PPP2R3A: variants seen among roughly 807,000 people sequenced by gnomAD.
PPP2R3A encodes protein phosphatase 2 regulatory subunit B''alpha.
A neutral mutation model predicts 106.9 loss-of-function variants in PPP2R3A; 80 were observed. The ratio of observed to expected loss-of-function variants is 0.75; its 90% CI spans 0.62 to 0.90. The LOEUF (loss-of-function observed/expected upper bound fraction) is 0.90, where lower values mean the gene tolerates loss of function less well. Ranked by LOEUF, PPP2R3A falls within the 40% of genes least tolerant of loss-of-function variation. The pLI, the probability that PPP2R3A is intolerant of heterozygous loss-of-function variation, is 0.00. For synonymous variants in PPP2R3A, 483 were observed against 468.3 expected (o/e 1.03, Z -0.41); for missense variants, 1,386 against 1,350.4 (o/e 1.03, Z -0.41).
At chr3:135,977,923 C>T (rs1005699084) in intron 1 of PPP2R3A, among the ~76,000 whole-genome samples, 3 of 151,952 alleles carry the variant, frequency 2.0e-5, no homozygotes, top group Non-Finnish European at 4.4e-5. Flanking sequence ...TGGTCTTGAA[C>T]TCCTAAGCTA....
rs537447337 is a variant in PPP2R3A, at chr3:136,021,148, T to C, written c.1996-5684T>C. 4.2e-4 allele frequency among the ~76,000 whole-genome samples: 64 copies of C among 152,194 alleles called. 1 individual carries two copies. The South Asian group carries it at 0.012, about 28-fold the overall frequency. ...TGTAAGTCTAAAGGCCTAGTTGCATTCCTACAAACCTTTTTGACATTTTAT... is the reference window on the plus strand; with the variant it reads ...TGTAAGTCTAAAGGCCTAGTTGCATCCCTACAAACCTTTTTGACATTTTAT... On this transcript the variant is annotated intron_variant, in intron 2 of 13. Coordinates refer to ENST00000264977, the MANE Select transcript of PPP2R3A (RefSeq NM_002718.5).
At position 136,002,209 on chromosome 3, in the gene PPP2R3A, G is replaced by C. The variant is rs1487599071; in HGVS notation, c.711G>C (p.Leu237Phe). 1 of 1,613,452 alleles carries C rather than the reference G, an allele frequency of 6.2e-7. No homozygotes were observed. The highest frequency in any genetic ancestry group is 8.5e-7 in the Non-Finnish European group (1 of 1,179,836). Reference protein sequence around the residue: ...TDIKMCLDILLKCSEDLKKCT... With the variant: ...TDIKMCLDILFKCSEDLKKCT... ...TAAAGATGTGCTTGGACATCTTATT[G>C]AAATGCTCCGAGGATTTAAAAAAAT... The change falls in exon 2 of 14, where the codon TTG becomes TTC. Residue 237 changes from leucine (L) to phenylalanine (F), a missense_variant. By Grantham distance (22) the Leu-to-Phe change is conservative. Coordinates refer to ENST00000264977, the MANE Select transcript of PPP2R3A (RefSeq NM_002718.5).
chr3:136,127,622 A>G (rs1175270366), intron 13 of PPP2R3A, among the ~76,000 whole-genome samples: 1 of 152,212 alleles, frequency 6.6e-6, no homozygotes, highest in Non-Finnish European at 1.5e-5. Flanking sequence ...TCCCCAACCA[A>G]GCAAGGCAGG....
intron 13 of PPP2R3A, among the ~76,000 whole-genome samples, chr3:136,121,388 C>T (rs1350037374): frequency 6.6e-6 from 1 of 152,090 alleles, no homozygotes; most frequent in East Asian, 1.9e-4. Context: ...ACATTGAATA[C>T]ACATGCACAC....
intron 1 of PPP2R3A, among the ~76,000 whole-genome samples, chr3:136,000,704 A>G (rs1457302131): frequency 6.6e-6 from 1 of 152,166 alleles, no homozygotes; most frequent in African/African-American, 2.4e-5. Context: ...AAGTGAGTCA[A>G]AAGAGGTAGA....
chr3:135,975,167 C>T (rs957136747), intron 1 of PPP2R3A, among the ~76,000 whole-genome samples: 3 of 152,190 alleles, frequency 2.0e-5, no homozygotes, highest in African/African-American at 7.2e-5. Context: ...TGAGTGGAGG[C>T]TCACTGGGTG....
chr3:136,084,207 C>A (rs535660281), intron 8 of PPP2R3A, among the ~76,000 whole-genome samples: 238 of 152,354 alleles, frequency 1.6e-3, no homozygotes, highest in Non-Finnish European at 2.4e-3. Context: ...TGGGGCCCCC[C>A]CTGCTCTATG....
chr3:136,051,965 A>C (rs1935700918), intron 5 of PPP2R3A, among the ~76,000 whole-genome samples: 1 of 152,190 alleles, frequency 6.6e-6, no homozygotes, highest in African/African-American at 2.4e-5. Context: ...GGCTTTGATT[A>C]TCCTTAGACT....
intron 3 of PPP2R3A, among the ~76,000 whole-genome samples, chr3:136,036,916 A>C (rs1935104995): frequency 6.6e-6 from 1 of 152,226 alleles, no homozygotes; most frequent in Admixed American, 6.5e-5. Context: ...TTTACTATGC[A>C]TGCAAGTCTT....
intron 2 of PPP2R3A, chr3:136,022,860 C>G (rs1934512944): frequency 2.2e-6 from 3 of 1,350,330 alleles, no homozygotes; most frequent in Non-Finnish European, 2.8e-6. Context: ...GTATTGGGAG[C>G]CACAGACTGT....
chr3:136,144,069 T>C (rs1009992758), intron 13 of PPP2R3A, among the ~76,000 whole-genome samples: 1 of 152,210 alleles, frequency 6.6e-6, no homozygotes, highest in Non-Finnish European at 1.5e-5. Context: ...TATTTATCAA[T>C]ATTTCAGGCA....
intron 1 of PPP2R3A, among the ~76,000 whole-genome samples, chr3:135,988,253 A>T (rs74430897): frequency 2.8e-5 from 3 of 105,302 alleles, no homozygotes; most frequent in Admixed American, 8.9e-5. Context: ...TTCAAGGATT[A>T]AAAAAAAAAA....
At chr3:136,138,175 T>G (rs1480182345) in intron 13 of PPP2R3A, among the ~76,000 whole-genome samples, 5 of 152,178 alleles carry the variant, frequency 3.3e-5, no homozygotes, top group African/African-American at 1.2e-4. Flanking sequence ...GGGCCTGAAG[T>G]TAATGTTTTA....
chr3:136,138,540 G>T (rs1938712693), intron 13 of PPP2R3A, among the ~76,000 whole-genome samples: 2 of 152,040 alleles, frequency 1.3e-5, no homozygotes, highest in Non-Finnish European at 2.9e-5. Flanking sequence ...ATGGGTTAAG[G>T]AAATTCAGTG....
chr3:136,002,364 T>C lies in PPP2R3A; in HGVS notation c.866T>C (p.Leu289Pro). 1 of 1,613,896 alleles carries C rather than the reference T, an allele frequency of 6.2e-7. No individual in the cohort carries two copies. The highest frequency in any genetic ancestry group is 2.2e-5 in the East Asian group (1 of 44,878). The change falls in exon 2 of 14, where the codon CTG becomes CCG. Residue 289 changes from leucine (L) to proline (P), a missense_variant. Coordinates refer to ENST00000264977, the MANE Select transcript of PPP2R3A (RefSeq NM_002718.5). ...GTAATGACCAGGTTAGCATCCTATC[T>C]GAAAAAGTTACCATTTGAATTCATG... ...MNVMTRLASY[L>P]KKLPFEFMQS...
At chr3:136,139,259 G>A (rs1177726348) in intron 13 of PPP2R3A, among the ~76,000 whole-genome samples, 1 of 152,138 alleles carries the variant, frequency 6.6e-6, no homozygotes, top group Non-Finnish European at 1.5e-5. Flanking sequence ...AATCTGCAGA[G>A]CCCGCCTTAA....
chr3:135,997,132 T>G (rs1295373736), intron 1 of PPP2R3A, among the ~76,000 whole-genome samples: 1 of 152,176 alleles, frequency 6.6e-6, no homozygotes, highest in Non-Finnish European at 1.5e-5. Context: ...TCCATTCTCT[T>G]CTAGCTGCCG....
intron 1 of PPP2R3A, among the ~76,000 whole-genome samples, chr3:135,989,408 T>G (rs1322646327): frequency 1.3e-5 from 2 of 152,160 alleles, no homozygotes; most frequent in Admixed American, 6.6e-5. Context: ...ACCCGCTGTT[T>G]TTAGTTGTCT....
At chr3:136,111,317 T>C (rs1937588327) in intron 13 of PPP2R3A, among the ~76,000 whole-genome samples, 1 of 152,118 alleles carries the variant, frequency 6.6e-6, no homozygotes, top group African/African-American at 2.4e-5. Flanking sequence ...CCAACAATGG[T>C]TAAAGTATGT....
Sources: gnomAD v4.1 joint callset for allele counts (sites outside exome capture counted in the v4.1 genomes callset) on GRCh38, gnomAD v4.1.1 for gene constraint, MANE v1.5 for transcripts, NCBI Gene and HGNC (gene_info 2026-07-23, HGNC 2026-07-21) for gene names.